Variants in MEF2A observed in about 807,000 individuals in gnomAD.
MEF2A encodes myocyte enhancer factor 2A.
Under a neutral mutation model 55.8 loss-of-function variants are expected in MEF2A, and 28 were observed. The ratio of observed to expected loss-of-function variants is 0.50; its 90% CI spans 0.37 to 0.69. MEF2A has a LOEUF of 0.69. MEF2A is among the 30% of genes least tolerant of loss of function. The probability of loss-of-function intolerance (pLI) is 0.00; values close to 1 mark genes in which losing one functional copy is unlikely to be tolerated. For synonymous variants in MEF2A, 239 were observed against 227.1 expected, an observed-to-expected ratio of 1.05 and a Z score of -0.47; for missense variants, 528 against 626.2, an observed-to-expected ratio of 0.84 and a Z score of 1.67.
intron 1 of MEF2A, among the ~76,000 whole-genome samples, chr15:99,598,008 C>A (rs1485192203): frequency 6.6e-6 from 1 of 152,054 alleles, no homozygotes; most frequent in Non-Finnish European, 1.5e-5. Flanking sequence ...TCACAATTTT[C>A]TTGATGAAAA....
At chr15:99,644,972 A>G (rs553734828) in intron 3 of MEF2A, among the ~76,000 whole-genome samples, 1 of 152,324 alleles carries the variant, frequency 6.6e-6, no homozygotes, top group East Asian at 1.9e-4. Context: ...TTCAGTCAAT[A>G]TAAAGGGTGT....
chr15:99,704,441 CAT>C (rs2057786192), intron 9 of MEF2A, among the ~76,000 whole-genome samples: 1 of 152,134 alleles, frequency 6.6e-6, no homozygotes, highest in Non-Finnish European at 1.5e-5. Context: ...TTAATGATAC[CAT>C]AATGATCAGT....
At chr15:99,691,851 T>A (rs2055534485) in intron 8 of MEF2A, among the ~76,000 whole-genome samples, 1 of 152,236 alleles carries the variant, frequency 6.6e-6, no homozygotes, top group African/African-American at 2.4e-5. Context: ...GCAGGTAGCC[T>A]CTATTCCACT....
At chr15:99,656,135 C>G (rs1017687359) in intron 4 of MEF2A, among the ~76,000 whole-genome samples, 2 of 151,954 alleles carry the variant, frequency 1.3e-5, no homozygotes, top group African/African-American at 4.8e-5. Flanking sequence ...TCAAATATTA[C>G]AAAATCTAGT....
intron 4 of MEF2A, among the ~76,000 whole-genome samples, chr15:99,654,933 T>C (rs1426929255): frequency 1.3e-5 from 2 of 152,192 alleles, no homozygotes; most frequent in African/African-American, 4.8e-5. Flanking sequence ...TTGTTGAGCA[T>C]CTATCTAAAG....
chr15:99,623,536 A>G (rs149793329), intron 2 of MEF2A, among the ~76,000 whole-genome samples: 82 of 152,346 alleles, frequency 5.4e-4, no homozygotes, highest in Non-Finnish European at 1.0e-4. Context: ...CAAGTGTTCC[A>G]GTTTTCCACA....
chr15:99,658,082 G>C (rs988394472), intron 4 of MEF2A, among the ~76,000 whole-genome samples: 1 of 152,176 alleles, frequency 6.6e-6, no homozygotes, highest in Non-Finnish European at 1.5e-5. Flanking sequence ...ACAAGGCACA[G>C]TGAGGAAAAC....
At chr15:99,585,577 G>A (rs537808179) in intron 1 of MEF2A, among the ~76,000 whole-genome samples, 6 of 152,212 alleles carry the variant, frequency 3.9e-5, no homozygotes, top group African/African-American at 1.4e-4. Context: ...CTGATGTCTT[G>A]GACGCAGTGA....
chr15:99,667,502 C>T (rs1479169017), intron 4 of MEF2A, among the ~76,000 whole-genome samples: 3 of 152,094 alleles, frequency 2.0e-5, no homozygotes, highest in African/African-American at 4.8e-5. Context: ...GGATTACAGG[C>T]GTCAGCCACC....
chr15:99,577,677 G>A (rs1964724132), intron 1 of MEF2A, among the ~76,000 whole-genome samples: 1 of 152,054 alleles, frequency 6.6e-6, no homozygotes, highest in Non-Finnish European at 1.5e-5. Flanking sequence ...TTCTAATGGT[G>A]TTTATCTGTT....
intron 1 of MEF2A, among the ~76,000 whole-genome samples, chr15:99,579,097 C>T (rs1368444190): frequency 6.6e-6 from 1 of 152,126 alleles, no homozygotes; most frequent in African/African-American, 2.4e-5. Flanking sequence ...TCTTGGGTGC[C>T]TTGCAATTTA....
rs889147027 is a variant in MEF2A at position 99,710,658 on chromosome 15, T to C, written c.1034T>C (p.Leu345Pro). 6.2e-7 allele frequency: 1 copy of C among 1,613,486 alleles called. No homozygotes were observed. The highest frequency in any genetic ancestry group is 1.3e-5 in the African/African-American group (1 of 75,068). ...NTDYSLTSAD[L>P]SALQGFNSPG... ...GATTATTCACTGACCAGCGCTGACC[T>C]GTCAGCCCTTCAAGGCTTCAACTCG... Residue 345 changes from leucine (L) to proline (P), a missense_variant, in exon 11 of 12, where the codon CTG becomes CCG. By Grantham distance (98) the Leu-to-Pro change is moderately conservative (BLOSUM62 -3). This residue lies in a region of MEF2A where 450 missense variants were observed against 475.3 expected (regional missense o/e 0.95). Transcript: ENST00000557942.
Position 99,715,487 on chromosome 15 carries a change from T to C in MEF2A, c.*2716T>C, listed in dbSNP as rs1437849507. The C allele has an allele frequency of 6.6e-6, 1 of 152,238 alleles. No homozygotes were observed. 9.4% of individuals were successfully genotyped at this position (152,238 alleles called of 1,614,324 possible). A position where few individuals can be genotyped will look rare whatever the true frequency, so the allele number is the denominator to read the frequency against. ...TTTCAGGAACTGAATATTTGACTGT[T>C]AACCTTTTTCCCATACGTCCAGTGT... is the stretch of plus-strand genomic sequence containing the variant. On this transcript the variant is annotated 3_prime_UTR_variant, in exon 12 of 12. Transcript: ENST00000557942.
chr15:99,576,367 G>A lies in MEF2A; in HGVS notation c.-225+10263G>A, dbSNP rs74560406. On this transcript the variant is annotated intron_variant, in intron 1 of 11. Transcript: ENST00000557942. ...TTGTTTTCCAAAACATTTTAAAACA[G>A]GAGTGTGAATCCTGTTTTATATCTT... Among the ~76,000 whole-genome samples the A allele has an allele frequency of 6.6e-5, 10 of 152,216 alleles. No individual in the cohort carries two copies. In the East Asian group the frequency reaches 1.9e-3, roughly 29 times the overall value.
chr15:99,699,972 GTGTGTGTGTGTGTA>G (rs1256340926), intron 8 of MEF2A, among the ~76,000 whole-genome samples: 6 of 98,740 alleles, frequency 6.1e-5, no homozygotes, highest in Admixed American at 3.1e-4. Context: ...GTGTGTGTGT[GTGTGTGTGTGTGTA>G]TATATATATA....
rs547394019 is a variant in MEF2A, at chr15:99,648,473, A to C, written c.258+2709A>C. ...CCTTAGCCATCTCATGTGGTTGAAA[A>C]CATCAGGATAAAATAGAGGCATGAA... is the stretch of plus-strand genomic sequence containing the variant. On this transcript the variant is annotated intron_variant, in intron 4 of 11. Coordinates refer to ENST00000557942, the MANE Select transcript of MEF2A (RefSeq NM_001319206.4). Among the ~76,000 whole-genome samples the C allele has an allele frequency of 1.2e-3, 180 of 152,100 alleles. 1 individual carries two copies. The highest frequency in any genetic ancestry group is 2.2e-3 in the Non-Finnish European group (150 of 68,016).
At chr15:99,647,313 T>C (rs995975756) in intron 4 of MEF2A, among the ~76,000 whole-genome samples, 1 of 152,156 alleles carries the variant, frequency 6.6e-6, no homozygotes, top group Non-Finnish European at 1.5e-5. Flanking sequence ...TCTTATCTTA[T>C]AAATCTATAT....
chr15:99,632,784 A>G (rs1322705051), intron 2 of MEF2A, among the ~76,000 whole-genome samples, 194 bp from the exon 3 acceptor site: 1 of 152,232 alleles, frequency 6.6e-6, no homozygotes, highest in African/African-American at 2.4e-5. Context: ...CCAGAACTAG[A>G]GACACAAAGA....
At chr15:99,613,393 T>C (rs2039640258) in intron 2 of MEF2A, among the ~76,000 whole-genome samples, 1 of 152,200 alleles carries the variant, frequency 6.6e-6, no homozygotes, top group South Asian at 2.1e-4. Flanking sequence ...GCAACAATAG[T>C]AAACGGCAGT....
Sources: allele counts gnomAD v4.1 joint callset (sites outside exome capture counted in the v4.1 genomes callset), GRCh38; gene constraint gnomAD v4.1.1; regional missense constraint gnomAD v4.1.1; transcripts MANE v1.5; gene names NCBI Gene and HGNC (gene_info 2026-07-23, HGNC 2026-07-21).